EPHB4: variants seen among roughly 807,000 people sequenced by gnomAD.
The protein encoded by EPHB4 is EPH receptor B4, also known as ephrin type-B receptor 4.
A neutral mutation model predicts 110.6 loss-of-function variants in EPHB4; 50 were observed. That is an observed-to-expected ratio of 0.45 (90% CI 0.36 to 0.57). EPHB4 has a LOEUF of 0.57. EPHB4 is among the 20% of genes least tolerant of loss of function. EPHB4 has a pLI of 0.00. For synonymous variants in EPHB4, 592 were observed against 578.4 expected (o/e 1.02, Z -0.34); for missense variants, 1,128 against 1,382.1 (o/e 0.82, Z 2.91).
chr7:100,816,575 C>T (rs1313021471), intron 8 of EPHB4, among the ~76,000 whole-genome samples: 1 of 150,656 alleles, frequency 6.6e-6, no homozygotes, highest in African/African-American at 2.4e-5. Context: ...CTCAAGTGAT[C>T]CTCCTGCTTC....
chr7:100,824,403 G>A, intron 1 of EPHB4, 130 bp from the exon 2 acceptor site: 1 of 944,002 alleles, frequency 1.1e-6, no homozygotes, highest in South Asian at 1.4e-5. Flanking sequence ...GCCAAGAGGG[G>A]AGCAAGCCCT....
Position 100,819,537 on chromosome 7 carries a change from C to T in EPHB4, c.1297+20G>A. On this transcript the variant is annotated intron_variant, in intron 6 of 16. Transcript: ENST00000358173. Reference sequence around the variant, plus strand: ...ATCTCTCCCGCCAGACCACCAGCCGCCCCAGCCCCCAAGTCTCACCCTCTC... The same window carrying T: ...ATCTCTCCCGCCAGACCACCAGCCGTCCCAGCCCCCAAGTCTCACCCTCTC... 6.5e-7 allele frequency: 1 copy of T among 1,536,572 alleles called. No homozygotes were observed. Among genetic ancestry groups the T allele is most frequent in the Non-Finnish European group, 8.8e-7 (1 of 1,137,900 alleles).
intron 12 of EPHB4, among the ~76,000 whole-genome samples, chr7:100,811,962 G>T (rs926608498): frequency 2.6e-5 from 4 of 151,110 alleles, no homozygotes; most frequent in African/African-American, 9.7e-5. Flanking sequence ...ACCTGAGGTC[G>T]GGAGTTCGAG....
chr7:100,803,257 G>A lies in EPHB4; in HGVS notation c.*204C>T. ...GGAAAGGCGCCCTCACCCTTGGTCT[G>A]GAGTTCCCCGAGGTGGCTGGGGGGT... On this transcript the variant is annotated 3_prime_UTR_variant, in exon 17 of 17. Coordinates refer to ENST00000358173, the MANE Select transcript of EPHB4 (RefSeq NM_004444.5). 1.8e-6 allele frequency: 1 copy of A among 554,710 alleles called. No homozygotes were observed. The highest frequency in any genetic ancestry group is 3.2e-5 in the East Asian group (1 of 31,016). The allele number at this position is 554,710 out of a possible 1,614,324, so 34.4% of individuals were successfully genotyped here. A position where few individuals can be genotyped will look rare whatever the true frequency, so the allele number is the denominator to read the frequency against.
rs551394043 is a variant in EPHB4, at chr7:100,822,090, C to A, written c.808+181G>T. The stretch of plus-strand genomic sequence containing the variant: ...CAGGAGAACTGCTTGAACAGGGACC[C>A]GGGAGGCAAAGGTTGCAGTTGAGCA... On this transcript the variant is annotated intron_variant, in intron 4 of 16. Transcript: ENST00000358173. This position sits in a 1 kb window ranked among gnomAD's most constrained non-coding sequence, Gnocchi z 4.7. Among the ~76,000 whole-genome samples the A allele has an allele frequency of 6.6e-6, 1 of 152,072 alleles. No homozygotes were observed. Among genetic ancestry groups the A allele is most frequent in the Non-Finnish European group, 1.5e-5 (1 of 67,996 alleles).
intron 16 of EPHB4, 58 bp from the exon 17 acceptor site, chr7:100,803,648 T>C (rs314348): frequency 2.5e-5 from 38 of 1,528,152 alleles, no homozygotes; most frequent in Non-Finnish European, 2.8e-5. Flanking sequence ...CGCTCTCCTC[T>C]CTTGGCTCCT....
chr7:100,820,693 ACC>A (rs1562972612), intron 4 of EPHB4, among the ~76,000 whole-genome samples: 5 of 152,196 alleles, frequency 3.3e-5, no homozygotes, highest in Non-Finnish European at 7.3e-5. Flanking sequence ...ACATAGGAAT[ACC>A]AGGGAAACCA....
In EPHB4 at chr7:100,824,348, C is replaced by T. The variant is rs1254660438; in HGVS notation, c.53-75G>A. On this transcript the variant is annotated intron_variant, in intron 1 of 16. Transcript: ENST00000358173. ...TCAGGAAGACCAGATCCCTGGGAAC[C>T]GAGGCAGGTGGATCCTCTTAGCTCT... is the stretch of plus-strand genomic sequence containing the variant. 30 of 1,505,054 alleles carry T rather than the reference C, an allele frequency of 2.0e-5. 1 individual carries two copies. The highest frequency in any genetic ancestry group is 9.0e-5 in the South Asian group (8 of 88,736). 93.2% of individuals were successfully genotyped at this position (1,505,054 alleles called of 1,614,324 possible). A position where few individuals can be genotyped will look rare whatever the true frequency, so the allele number is the denominator to read the frequency against.
intron 12 of EPHB4, among the ~76,000 whole-genome samples, chr7:100,811,859 G>C (rs1327163403): frequency 2.0e-5 from 3 of 149,500 alleles, no homozygotes; most frequent in Non-Finnish European, 3.0e-5. Context: ...GACAGAGTGA[G>C]ACTCTGTCTT....
intron 8 of EPHB4, among the ~76,000 whole-genome samples, chr7:100,816,131 A>G (rs1040339667): frequency 2.6e-5 from 4 of 151,146 alleles, no homozygotes; most frequent in Non-Finnish European, 5.9e-5. Context: ...GCGCCACCGC[A>G]CTCCAGCCTG....
At chr7:100,811,015 C>T (rs1410345421) in intron 12 of EPHB4, among the ~76,000 whole-genome samples, 1 of 151,600 alleles carries the variant, frequency 6.6e-6, no homozygotes, top group Non-Finnish European at 1.5e-5. Flanking sequence ...TTTGAGGGGC[C>T]GAGATGGGTG....
chr7:100,813,015 G>A, intron 11 of EPHB4, 21 bp from the exon 12 acceptor site: 1 of 1,612,632 alleles, frequency 6.2e-7, no homozygotes, highest in East Asian at 2.2e-5. Flanking sequence ...GGACGCAGAG[G>A]TCATCAGCTC....
At chr7:100,816,714 G>GTTGGTT (rs1813076874) in intron 8 of EPHB4, among the ~76,000 whole-genome samples, 1 of 152,104 alleles carries the variant, frequency 6.6e-6, no homozygotes, top group Non-Finnish European at 1.5e-5. Flanking sequence ...AAACTCAGCT[G>GTTGGTT]TTGGTTTTGG....
chr7:100,819,558 C>A lies in EPHB4; in HGVS notation c.1296G>T (p.Glu432Asp), dbSNP rs947529034. 39 of 1,554,796 alleles carry A rather than the reference C, an allele frequency of 2.5e-5. No individual in the cohort carries two copies. Among genetic ancestry groups the A allele is most frequent in the Non-Finnish European group, 3.1e-5 (36 of 1,144,816 alleles). ...GCCGCCCCAGCCCCCAAGTCTCACC[C>A]TCTCGGTCAGTGGTGACATTGACAG... ...FEPVNVTTDR[E>D]VPPAVSDIRV... Residue 432 changes from glutamate to aspartate, a missense_variant and splice_region_variant, in exon 6 of 17, where the codon GAG becomes GAT. By Grantham distance (45) the Glu-to-Asp change is conservative. Coordinates refer to ENST00000358173, the MANE Select transcript of EPHB4 (RefSeq NM_004444.5).
At chr7:100,823,486 A>G (rs954636477) in intron 3 of EPHB4, among the ~76,000 whole-genome samples, 158 bp downstream of exon 3, 1 of 152,140 alleles carries the variant, frequency 6.6e-6, no homozygotes, top group Non-Finnish European at 1.5e-5. Context: ...TCCGCCCAGA[A>G]GATCACCCCC....
At chr7:100,823,988 A>G in intron 2 of EPHB4, 57 bp from the exon 3 acceptor site, 1 of 1,525,156 alleles carries the variant, frequency 6.6e-7, no homozygotes, top group South Asian at 1.2e-5. Flanking sequence ...AGAGGGCTGC[A>G]TGGGGTGAAT....
At chr7:100,823,495 C>G (rs1018325025) in intron 3 of EPHB4, 149 bp downstream of exon 3, 115 of 1,086,222 alleles carry the variant, frequency 1.1e-4, no homozygotes, top group South Asian at 2.3e-4. Flanking sequence ...AAGATCACCC[C>G]CTTCCCTCCC....
chr7:100,814,081 C>A, intron 8 of EPHB4, 60 bp from the exon 9 acceptor site: 14 of 1,583,398 alleles, frequency 8.8e-6, no homozygotes, highest in Non-Finnish European at 1.1e-5. Context: ...GGCCCCAGCC[C>A]CGGCTTTGAG....
chr7:100,823,126 A>G (rs150341866), intron 3 of EPHB4, among the ~76,000 whole-genome samples: 134 of 152,342 alleles, frequency 8.8e-4, no homozygotes, highest in African/African-American at 3.0e-3. Flanking sequence ...CTTTAAAAAT[A>G]TAGATATAAA....
Sources: allele counts gnomAD v4.1 joint callset (sites outside exome capture counted in the v4.1 genomes callset), GRCh38; gene constraint gnomAD v4.1.1; non-coding constraint Gnocchi (gnomAD v3.1); transcripts MANE v1.5; gene names NCBI Gene and HGNC (gene_info 2026-07-23, HGNC 2026-07-21).